The following MICA variants were observed in gnomAD, a reference collection of about 807,000 sequenced individuals.
MICA encodes MHC class I polypeptide-related sequence A, also known as HLA class I antigen.
MICA carries 18 observed loss-of-function variants against 34.3 expected under a neutral mutation model. The observed-to-expected ratio is 0.52, with a 90% confidence interval of 0.36 to 0.78. The LOEUF is 0.78. Ranked by LOEUF, MICA falls within the 30% of genes least tolerant of loss-of-function variation. MICA has a pLI of 0.00. For missense variants in MICA, 333 were observed against 409.4 expected (o/e 0.81, Z 1.61); for synonymous variants, 135 against 156.9 (o/e 0.86, Z 1.04).
intron 1 of MICA, among the ~76,000 whole-genome samples, chr6:31,406,043 C>A (rs1193880732): frequency 6.6e-6 from 1 of 151,858 alleles, no homozygotes; most frequent in Non-Finnish European, 1.5e-5. Context: ...GATTTCCTTT[C>A]TTTGGAGTAT....
Position 31,411,223 on chromosome 6 carries a change from G to A in MICA, c.477G>A (p.Gln159=), listed in dbSNP as rs576467210. ...EWTVPQSSRA[Q]TLAMNVRNFL... ...CAGTGCCCCAGTCCTCCAGAGCTCA[G>A]ACCTTGGCCATGAACGTCAGGAATT... The change falls in exon 3 of 6, where the codon CAG becomes CAA. Residue 159 remains glutamine, a synonymous_variant. Coordinates refer to ENST00000449934, the MANE Select transcript of MICA (RefSeq NM_001177519.3). The surrounding 1 kb of genome is among the most constrained non-coding windows in gnomAD (Gnocchi z 4.3). The A allele has an allele frequency of 2.5e-6, 4 of 1,613,390 alleles. No individual in the cohort carries two copies. Among genetic ancestry groups the A allele is most frequent in the African/African-American group, 2.7e-5 (2 of 74,836 alleles).
At chr6:31,410,016 T>A (rs6938453) in intron 1 of MICA, among the ~76,000 whole-genome samples, 45,666 of 150,540 alleles carry the variant, frequency 0.3, 6,999 homozygotes, top group East Asian at 0.48. Flanking sequence ...TATAAACTTC[T>A]CTGGGGCTAC....
intron 1 of MICA, among the ~76,000 whole-genome samples, chr6:31,408,706 T>G (rs1354392333): frequency 6.6e-6 from 1 of 151,928 alleles, no homozygotes; most frequent in African/African-American, 2.4e-5. Flanking sequence ...ATTTCACTTA[T>G]AATATTTTTG....
chr6:31,412,437 A>G lies in MICA; in HGVS notation c.*6A>G, dbSNP rs1474793530. The G allele has an allele frequency of 1.3e-6, 2 of 1,571,844 alleles. No homozygotes were observed. The highest frequency in any genetic ancestry group is 2.7e-5 in the African/African-American group (2 of 73,596). On this transcript the variant is annotated 3_prime_UTR_variant, in exon 5 of 6. Coordinates refer to ENST00000449934, the MANE Select transcript of MICA (RefSeq NM_001177519.3). ...TTCTATGTCCGTTGTTGTAAGAAGA[A>G]AACATCAGCTGCAGAGGGTCCAGGT...
rs560167585 is a variant in MICA, at chr6:31,410,865, G to A, written c.325+68G>A. ...CAGAAAAGTTAGGGGCAGAGAGCAG[G>A]GACCTGTCTCTTCCCACTGGATCTG... On this transcript the variant is annotated intron_variant, in intron 2 of 5. Coordinates refer to ENST00000449934, the MANE Select transcript of MICA (RefSeq NM_001177519.3). 204 of 1,509,434 alleles carry A rather than the reference G, an allele frequency of 1.4e-4. 6 individuals carry two copies. The South Asian group carries it at 2.2e-3, about 17-fold the overall frequency. The allele number at this position is 1,509,434 out of a possible 1,614,324, so 93.5% of individuals were successfully genotyped here. A position where few individuals can be genotyped will look rare whatever the true frequency, so the allele number is the denominator to read the frequency against.
At chr6:31,410,346 C>G (rs1265543854) in intron 1 of MICA, among the ~76,000 whole-genome samples, 197 bp from the exon 2 acceptor site, 9 of 151,734 alleles carry the variant, frequency 5.9e-5, no homozygotes. Flanking sequence ...TCTTCATTCC[C>G]CCTTCTTCTG....
rs1245712340 is a variant in MICA at position 31,410,901 on chromosome 6, G to A, written c.325+104G>A. ...TTCCCACTGGATCTGGCTCAGGCTG[G>A]GGGTGAGGAATGGGGGTCAGTGGAA... On this transcript the variant is annotated intron_variant, in intron 2 of 5. Coordinates refer to ENST00000449934, the MANE Select transcript of MICA (RefSeq NM_001177519.3). 3 of 1,482,354 alleles carry A rather than the reference G, an allele frequency of 2.0e-6. 1 individual carries two copies. The highest frequency in any genetic ancestry group is 4.8e-5 in the Admixed American group (2 of 42,038). 91.8% of individuals were successfully genotyped at this position (1,482,354 alleles called of 1,614,324 possible).
At position 31,409,017 on chromosome 6, in the gene MICA, AT is replaced by A. The variant is rs1341870451; in HGVS notation, c.71-1525del. Among the ~76,000 whole-genome samples, 71 of 148,658 alleles carry A rather than the reference AT, an allele frequency of 4.8e-4. 1 individual carries two copies. Among genetic ancestry groups the A allele is most frequent in the African/African-American group, 1.7e-3 (68 of 40,508 alleles). On this transcript the variant is annotated intron_variant, in intron 1 of 5. Coordinates refer to ENST00000449934, the MANE Select transcript of MICA (RefSeq NM_001177519.3). ...TGAAATTCCATCTCCAAAAAAAAAAATAAAACAATAATAATAATAATATTTT... is the reference window on the plus strand; with the variant it reads ...TGAAATTCCATCTCCAAAAAAAAAAAAAAACAATAATAATAATAATATTTT...
chr6:31,402,822 G>C (rs1188657189), upstream of MICA, among the ~76,000 whole-genome samples: 1 of 151,738 alleles, frequency 6.6e-6, no homozygotes, highest in African/African-American at 2.4e-5. Context: ...GATGTCCTAA[G>C]GCAGGCTGGA....
upstream of MICA, chr6:31,403,574 C>A (rs1235483101): frequency 1.2e-5 from 17 of 1,391,804 alleles, 1 homozygote; most frequent in African/African-American, 3.1e-5. This position sits in a 1 kb window ranked among gnomAD's most constrained non-coding sequence, Gnocchi z 4.7. Context: ...ACTAAGTTTC[C>A]GCGGCGCCTT....
In MICA at chr6:31,410,562, T is replaced by C. The variant is rs17200144; in HGVS notation, c.90T>C (p.Tyr30=). The stretch of plus-strand genomic sequence containing the variant: ...CCCCAGAGCCCCACAGTCTTCGTTA[T>C]AACCTCACGGTGCTGTCCTGGGATG... The part of the protein sequence containing the change: ...GAAAEPHSLR[Y]NLTVLSWDGS... Residue 30 remains tyrosine (Y), a synonymous_variant, in exon 2 of 6, where the codon TAT becomes TAC. Transcript: ENST00000449934. 1.2e-5 allele frequency: 19 copies of C among 1,612,984 alleles called. No individual in the cohort carries two copies. The highest frequency in any genetic ancestry group is 1.2e-4 in the Admixed American group (7 of 59,706).
upstream of MICA, among the ~76,000 whole-genome samples, chr6:31,403,416 C>T (rs1227024846): frequency 6.6e-6 from 1 of 151,940 alleles, no homozygotes; most frequent in Admixed American, 6.6e-5. The surrounding 1 kb of genome is among the most constrained non-coding windows in gnomAD (Gnocchi z 4.7). Context: ...TTTTCTGGGC[C>T]CCAGGTCCCG....
chr6:31,409,369 G>C (rs1770944912), intron 1 of MICA, among the ~76,000 whole-genome samples: 1 of 149,324 alleles, frequency 6.7e-6, no homozygotes, highest in Non-Finnish European at 1.5e-5. Context: ...ATTGGTTTCA[G>C]GTGGCATCTC....
At chr6:31,409,960 C>T (rs1457982143) in intron 1 of MICA, among the ~76,000 whole-genome samples, 1 of 96,436 alleles carries the variant, frequency 1.0e-5, no homozygotes, top group Non-Finnish European at 1.9e-5. Flanking sequence ...CACTTTGAAC[C>T]CAAGCCCACA....
chr6:31,406,113 A>G (rs1770733764), intron 1 of MICA, among the ~76,000 whole-genome samples: 1 of 151,800 alleles, frequency 6.6e-6, no homozygotes, highest in Admixed American at 6.6e-5. Context: ...TAGTTTTTGG[A>G]AGAACCTCCA....
rs17206455 is a variant in MICA at position 31,403,800 on chromosome 6, G to A, written c.70+98G>A. 3 of 1,175,886 alleles carry A rather than the reference G, an allele frequency of 2.6e-6. No individual in the cohort carries two copies. Among genetic ancestry groups the A allele is most frequent in the Non-Finnish European group, 3.5e-6 (3 of 850,064 alleles). 72.8% of individuals were successfully genotyped at this position (1,175,886 alleles called of 1,614,324 possible). On this transcript the variant is annotated intron_variant, in intron 1 of 5. Transcript: ENST00000449934. This position sits in a 1 kb window ranked among gnomAD's most constrained non-coding sequence, Gnocchi z 4.7. ...GCGAGCGCTGTGCGGTCAGGGCGGG[G>A]CTCCTGTGCCCTGTCGGTGGCGCAG...
At chr6:31,414,099 G>A (rs934689593) in intron 5 of MICA, among the ~76,000 whole-genome samples, 1 of 151,964 alleles carries the variant, frequency 6.6e-6, no homozygotes, top group African/African-American at 2.4e-5. Flanking sequence ...ACTCAAATTT[G>A]GAGCCCCCTC....
upstream of MICA, chr6:31,403,451 A>G: frequency 1.9e-6 from 1 of 540,282 alleles, no homozygotes; most frequent in Non-Finnish European, 3.2e-6. The surrounding 1 kb of genome is among the most constrained non-coding windows in gnomAD (Gnocchi z 4.7). Context: ...CCAGGTCTCC[A>G]GCCCACTGGA....
intron 1 of MICA, among the ~76,000 whole-genome samples, chr6:31,409,902 A>T (rs1250314999): frequency 6.6e-6 from 1 of 151,860 alleles, no homozygotes; most frequent in Non-Finnish European, 1.5e-5. Flanking sequence ...AGTGGACACT[A>T]GCTGTTCCAT....
Sources: gnomAD v4.1 joint callset for allele counts (sites outside exome capture counted in the v4.1 genomes callset) on GRCh38, gnomAD v4.1.1 for gene constraint, Gnocchi (gnomAD v3.1) non-coding constraint, MANE v1.5 for transcripts, NCBI Gene and HGNC (gene_info 2026-07-23, HGNC 2026-07-21) for gene names.